Variants in NOMO3 observed in about 807,000 individuals in gnomAD.
The protein encoded by NOMO3 is BOS complex subunit NOMO3.
Under a neutral mutation model 69.9 loss-of-function variants are expected in NOMO3, and 15 were observed. The observed-to-expected ratio is 0.21, with a 90% CI of 0.14 to 0.33. The LOEUF (loss-of-function observed/expected upper bound fraction) is 0.33. NOMO3 is among the 10% of genes least tolerant of loss of function. The probability of loss-of-function intolerance (pLI) is 1.00; values close to 1 mark genes in which losing one functional copy is unlikely to be tolerated. For synonymous variants in NOMO3, 89 were observed against 301.9 expected (o/e 0.29, Z 7.31); for missense variants, 218 against 761.0 (o/e 0.29, Z 8.39).
intron 29 of NOMO3, among the ~76,000 whole-genome samples, chr16:16,291,912 C>T (rs2049694439): frequency 2.5e-5 from 3 of 122,372 alleles, no homozygotes; most frequent in African/African-American, 1.1e-4. Context: ...TGCAGTGGCA[C>T]GATCTTGGCC....
intron 16 of NOMO3, among the ~76,000 whole-genome samples, chr16:16,267,607 G>A (rs1253970270): frequency 1.4e-5 from 2 of 138,502 alleles, no homozygotes; most frequent in Non-Finnish European, 3.0e-5. Context: ...GCTAATTTTT[G>A]TATTTTTAGT....
chr16:16,265,787 TCTC>T (rs1212637948), intron 15 of NOMO3, among the ~76,000 whole-genome samples: 1 of 130,034 alleles, frequency 7.7e-6, no homozygotes, highest in Non-Finnish European at 1.5e-5. Flanking sequence ...TTCAAGCGAT[TCTC>T]CTGCTTCAGC....
chr16:16,233,685 A>C (rs1197146320), intron 1 of NOMO3, among the ~76,000 whole-genome samples: 15 of 79,142 alleles, frequency 1.9e-4, no homozygotes, highest in Non-Finnish European at 3.2e-4. Flanking sequence ...CATTTTTGGG[A>C]GGGGATTTAT....
intron 11 of NOMO3, chr16:16,260,849 A>ACT (rs1428517379): frequency 1.4e-5 from 2 of 144,128 alleles, no homozygotes; most frequent in African/African-American, 5.8e-5. Context: ...GCAACACCTT[A>ACT]CTCCTTATTT....
intron 2 of NOMO3, among the ~76,000 whole-genome samples, chr16:16,238,234 C>CTT (rs539081532): frequency 1.6e-5 from 2 of 122,482 alleles, no homozygotes; most frequent in Non-Finnish European, 1.6e-5. Flanking sequence ...GATCTACTGA[C>CTT]TTTTTTTTTT....
intron 15 of NOMO3, among the ~76,000 whole-genome samples, chr16:16,265,910 T>G (rs2049615596): frequency 7.0e-6 from 1 of 142,908 alleles, no homozygotes; most frequent in African/African-American, 2.9e-5. Flanking sequence ...GCCAGACTGG[T>G]CTTAAAACTC....
At chr16:16,239,330 A>AT (rs2049356674) in intron 2 of NOMO3, among the ~76,000 whole-genome samples, 1 of 142,138 alleles carries the variant, frequency 7.0e-6, no homozygotes, top group Non-Finnish European at 1.5e-5. Flanking sequence ...TTTTAAGAAC[A>AT]TTTTTTGTAC....
chr16:16,237,688 A>G lies in NOMO3; in HGVS notation c.255+698A>G, dbSNP rs1280187254. On this transcript the variant is annotated intron_variant, in intron 2 of 30. Transcript: ENST00000399336. The stretch of plus-strand genomic sequence containing the variant: ...CTCAGCCTCCTGAATAGCTGGGATT[A>G]CAGGCATCTGCCACTACACCCAGCT... Among the ~76,000 whole-genome samples, 3 of 143,494 alleles carry G rather than the reference A, an allele frequency of 2.1e-5. 1 individual carries two copies. The highest frequency in any genetic ancestry group is 5.7e-5 in the African/African-American group (2 of 35,382). The allele number at this position is 143,494 out of a possible 152,430, so 94.1% of individuals were successfully genotyped here.
rs530400262 is a variant in NOMO3, at chr16:16,258,892, G to A, written c.1221-2610G>A. Reference sequence around the variant, plus strand: ...AAAAAAAAAAAAGAGTTATCAGTTGGCAAGGGAGTGATAGGGATCATGGTA... The same window carrying A: ...AAAAAAAAAAAAGAGTTATCAGTTGACAAGGGAGTGATAGGGATCATGGTA... On this transcript the variant is annotated intron_variant, in intron 11 of 30. Coordinates refer to ENST00000399336, the MANE Select transcript of NOMO3 (RefSeq NM_001004067.4). Among the ~76,000 whole-genome samples, 10 of 143,140 alleles carry A rather than the reference G, an allele frequency of 7.0e-5. 2 individuals are homozygous for A. The South Asian group carries it at 2.2e-3, about 32-fold the overall frequency. 93.9% of individuals were successfully genotyped at this position (143,140 alleles called of 152,430 possible).
At chr16:16,249,230 T>TC (rs2049442493) in intron 6 of NOMO3, among the ~76,000 whole-genome samples, 1 of 145,806 alleles carries the variant, frequency 6.9e-6, no homozygotes, top group Non-Finnish European at 1.5e-5. Context: ...TGTCTCTTCT[T>TC]ACTGTTTGTG....
chr16:16,235,822 C>A lies in NOMO3; in HGVS notation c.166-1079C>A. Reference sequence around the variant, plus strand: ...CATGCCTGGCCGCAAACTGATTTTTCTTTGAATCCATATTCTGTAGCAGGT... The same window carrying A: ...CATGCCTGGCCGCAAACTGATTTTTATTTGAATCCATATTCTGTAGCAGGT... On this transcript the variant is annotated intron_variant, in intron 1 of 30. Transcript: ENST00000399336. 2 of 440,470 alleles carry A rather than the reference C, an allele frequency of 4.5e-6. 1 individual carries two copies. The highest frequency in any genetic ancestry group is 3.2e-5 in the South Asian group (2 of 62,454). 27.3% of individuals were successfully genotyped at this position (440,470 alleles called of 1,614,324 possible).
intron 1 of NOMO3, chr16:16,236,010 A>G (rs2049323963): frequency 1.4e-5 from 4 of 285,736 alleles, no homozygotes; most frequent in South Asian, 1.2e-4. Flanking sequence ...GTGTCTGGTA[A>G]TGCTCAGAAT....
chr16:16,251,776 GT>G, intron 7 of NOMO3, 186 bp from the exon 8 acceptor site: 2 of 529,902 alleles, frequency 3.8e-6, no homozygotes, highest in Non-Finnish European at 6.3e-6. Context: ...GACTGTGCCA[GT>G]TTTTAACTTT....
At position 16,238,842 on chromosome 16, in the gene NOMO3, T is replaced by C. The variant is rs1282319600; in HGVS notation, c.256-1009T>C. ...CCTGTAATCCTAGCACTTTGGGAGG[T>C]TGAGGTAGGTGGATCGCCTGAGCTC... On this transcript the variant is annotated intron_variant, in intron 2 of 30. Transcript: ENST00000399336. 2.8e-4 allele frequency among the ~76,000 whole-genome samples: 35 copies of C among 126,642 alleles called. 9 individuals are homozygous for C. Among genetic ancestry groups the C allele is most frequent in the East Asian group, 1.5e-3 (6 of 3,978 alleles). The allele number at this position is 126,642 out of a possible 152,430, so 83.1% of individuals were successfully genotyped here.
Position 16,260,695 on chromosome 16 carries a change from A to G in NOMO3, c.1221-807A>G, listed in dbSNP as rs2049556869. ...TGATTCTTGAAGATTCTTTAAAATG[A>G]ACAGTTGAAAAGACAACTGTGACCC... On this transcript the variant is annotated intron_variant, in intron 11 of 30. Coordinates refer to ENST00000399336, the MANE Select transcript of NOMO3 (RefSeq NM_001004067.4). Among the ~76,000 whole-genome samples, 6 of 141,848 alleles carry G rather than the reference A, an allele frequency of 4.2e-5. No homozygotes were observed. The South Asian group carries it at 1.3e-3, about 32-fold the overall frequency. 93.1% of individuals were successfully genotyped at this position (141,848 alleles called of 152,430 possible). A position where few individuals can be genotyped will look rare whatever the true frequency, so the allele number is the denominator to read the frequency against.
chr16:16,240,666 G>A (rs1223747664), intron 3 of NOMO3, among the ~76,000 whole-genome samples: 1 of 144,164 alleles, frequency 6.9e-6, no homozygotes, highest in East Asian at 2.3e-4. Flanking sequence ...TTGAAGAGGA[G>A]AGACTCTTGA....
At chr16:16,236,575 A>T (rs2049328826) in intron 1 of NOMO3, among the ~76,000 whole-genome samples, 1 of 144,804 alleles carries the variant, frequency 6.9e-6, no homozygotes, top group Non-Finnish European at 1.5e-5. Context: ...TAAGCACCTT[A>T]CTAATGGCAA....
chr16:16,269,098 C>G (rs373190), intron 16 of NOMO3, among the ~76,000 whole-genome samples: 4,826 of 142,194 alleles, frequency 0.034, 392 homozygotes, highest in African/African-American at 0.056. Context: ...CTGTGGACAT[C>G]TCCTCCTGCC....
At chr16:16,234,973 A>G (rs964135066) in intron 1 of NOMO3, among the ~76,000 whole-genome samples, 3 of 152,038 alleles carry the variant, frequency 2.0e-5, no homozygotes, top group African/African-American at 7.3e-5. Context: ...TTTTGGATGA[A>G]TGTCCCTTGA....
Sources: allele counts gnomAD v4.1 joint callset (sites outside exome capture counted in the v4.1 genomes callset), GRCh38; gene constraint gnomAD v4.1.1; transcripts MANE v1.5; gene names NCBI Gene and HGNC (gene_info 2026-07-23, HGNC 2026-07-21).